The following KLRG2 variants were observed in gnomAD, a reference collection of about 807,000 sequenced individuals.
KLRG2 encodes killer cell lectin-like receptor subfamily G member 2.
Under a neutral mutation model 35.4 loss-of-function variants are expected in KLRG2, and 39 were observed. That is an observed-to-expected ratio of 1.10 (90% CI 0.85 to 1.44). The LOEUF (loss-of-function observed/expected upper bound fraction) is 1.44. Ranked by LOEUF, KLRG2 falls within the 40% of genes most tolerant of loss-of-function variation. The pLI is 0.00. For missense variants in KLRG2, 632 were observed against 570.9 expected (o/e 1.11, Z -1.09); for synonymous variants, 283 against 265.8 (o/e 1.06, Z -0.63).
chr7:139,454,257 G>A (rs757139138), intron 3 of KLRG2, 43 bp from the exon 4 acceptor site: 188 of 994,208 alleles, frequency 1.9e-4, no homozygotes, highest in Non-Finnish European at 2.5e-4. Context: ...GGACACTGGC[G>A]TGGCTTGCCT....
the KLRG2 span, among the ~76,000 whole-genome samples, chr7:139,432,940 C>T: frequency 7.2e-5 from 11 of 152,224 alleles, no homozygotes; most frequent in Admixed American, 4.6e-4. Flanking sequence ...GATCAAGATA[C>T]GGACCATTTC....
chr7:139,480,631 G>A (rs141624557), intron 1 of KLRG2, among the ~76,000 whole-genome samples: 1 of 150,274 alleles, frequency 6.7e-6, no homozygotes, highest in Non-Finnish European at 1.5e-5. Context: ...ATTTTTAGTA[G>A]AGACGGGGTT....
chr7:139,467,608 G>A (rs557202148), intron 3 of KLRG2, among the ~76,000 whole-genome samples: 89 of 151,658 alleles, frequency 5.9e-4, no homozygotes, highest in East Asian at 4.2e-3. Context: ...GGTGCAAGAT[G>A]TGCTTTGTTA....
chr7:139,479,529 A>G, intron 3 of KLRG2, 98 bp downstream of exon 3: 1 of 1,250,070 alleles, frequency 8.0e-7, no homozygotes, highest in Non-Finnish European at 1.1e-6. Context: ...GATTTCTATA[A>G]TGAAGAGCTG....
At chr7:139,433,802 A>G in the KLRG2 span, among the ~76,000 whole-genome samples, 1 of 151,340 alleles carries the variant, frequency 6.6e-6, no homozygotes, top group Non-Finnish European at 1.5e-5. Flanking sequence ...CACCAGGCTA[A>G]TTTTTGTATT....
intron 3 of KLRG2, among the ~76,000 whole-genome samples, chr7:139,463,978 T>G (rs1796611505): frequency 6.6e-6 from 1 of 152,206 alleles, no homozygotes; most frequent in African/African-American, 2.4e-5. Context: ...TCCCCAACTC[T>G]GATGCTAGCT....
chr7:139,468,116 G>T (rs193081812), intron 3 of KLRG2, among the ~76,000 whole-genome samples: 382 of 152,170 alleles, frequency 2.5e-3, no homozygotes, highest in African/African-American at 8.8e-3. Context: ...CTTTGTTCAC[G>T]TGTTTATCTG....
At chr7:139,454,857 ATAATAATAAC>A (rs1445664818) in intron 3 of KLRG2, among the ~76,000 whole-genome samples, 2 of 126,288 alleles carry the variant, frequency 1.6e-5, no homozygotes, top group African/African-American at 6.9e-5. Context: ...AATAATAATA[ATAATAATAAC>A]ACACGCAGAT....
chr7:139,477,255 G>A (rs772885159), intron 3 of KLRG2, among the ~76,000 whole-genome samples: 9 of 152,130 alleles, frequency 5.9e-5, no homozygotes, highest in East Asian at 1.9e-4. Context: ...ACAGGGTCTC[G>A]AAGAGATATT....
chr7:139,479,726 C>T lies in KLRG2; in HGVS notation c.906G>A (p.Glu302=), dbSNP rs745786671. The change falls in exon 3 of 5, where the codon GAG becomes GAA. Residue 302 remains glutamate (E), a synonymous_variant. Coordinates refer to ENST00000340940, the MANE Select transcript of KLRG2 (RefSeq NM_198508.4). ...QCPPGWVLSE[E]HCYYFSAEAQ... ...CTTCTGCAGAGAAGTAGTAACAGTG[C>T]TCCTCGGACAACACCCAGCCTGGGG... is the stretch of plus-strand genomic sequence containing the variant. The T allele has an allele frequency of 1.2e-6, 2 of 1,614,070 alleles. No homozygotes were observed. The highest frequency in any genetic ancestry group is 8.5e-7 in the Non-Finnish European group (1 of 1,180,012).
At chr7:139,467,231 G>A (rs1469645166) in intron 3 of KLRG2, among the ~76,000 whole-genome samples, 2 of 151,898 alleles carry the variant, frequency 1.3e-5, no homozygotes, top group Non-Finnish European at 2.9e-5. Flanking sequence ...AATTTTCGCC[G>A]CCCCAACACT....
intron 1 of KLRG2, among the ~76,000 whole-genome samples, chr7:139,482,543 C>T (rs897249806): frequency 6.6e-6 from 1 of 152,040 alleles, no homozygotes; most frequent in Non-Finnish European, 1.5e-5. Flanking sequence ...CAGGTGAATG[C>T]CACCATGCCA....
At chr7:139,468,186 C>A (rs977917440) in intron 3 of KLRG2, among the ~76,000 whole-genome samples, 1 of 152,078 alleles carries the variant, frequency 6.6e-6, no homozygotes, top group African/African-American at 2.4e-5. Context: ...CGAGAAACAC[C>A]CAAGAATGAT....
chr7:139,456,114 G>A (rs2116429169), intron 3 of KLRG2, among the ~76,000 whole-genome samples: 1 of 152,272 alleles, frequency 6.6e-6, no homozygotes, highest in South Asian at 2.1e-4. Context: ...GAGCAGAGCG[G>A]TATAAATGAA....
the KLRG2 span, among the ~76,000 whole-genome samples, chr7:139,434,029 C>T: frequency 3.3e-5 from 5 of 152,164 alleles, no homozygotes; most frequent in Non-Finnish European, 7.3e-5. Context: ...GTACTTGGCC[C>T]TGAGGCTGGG....
At chr7:139,447,338 C>T in the KLRG2 span, among the ~76,000 whole-genome samples, 44 of 152,128 alleles carry the variant, frequency 2.9e-4, no homozygotes, top group African/African-American at 1.0e-3. Context: ...TGGCCTATTA[C>T]TCCTAAGCCA....
At chr7:139,441,387 C>T in the KLRG2 span, among the ~76,000 whole-genome samples, 836 of 152,162 alleles carry the variant, frequency 5.5e-3, 6 homozygotes, top group African/African-American at 0.019. Flanking sequence ...AACCAAACAC[C>T]GCATATTCTC....
chr7:139,449,937 G>A (rs1796351133), downstream of KLRG2, among the ~76,000 whole-genome samples: 3 of 151,896 alleles, frequency 2.0e-5, no homozygotes, highest in South Asian at 6.2e-4. Context: ...TCCTGACCTT[G>A]TGATCCGCCC....
chr7:139,429,339 G>T, the KLRG2 span, among the ~76,000 whole-genome samples: 1 of 151,064 alleles, frequency 6.6e-6, no homozygotes. Context: ...ACTTCAAGTC[G>T]TTCTTTTCTG....
Sources: allele counts gnomAD v4.1 joint callset (sites outside exome capture counted in the v4.1 genomes callset), GRCh38; gene constraint gnomAD v4.1.1; transcripts MANE v1.5; gene names NCBI Gene and HGNC (gene_info 2026-07-23, HGNC 2026-07-21).